REEP1: variants seen among roughly 807,000 people sequenced by gnomAD.
REEP1 encodes receptor expression-enhancing protein 1.
Under a neutral mutation model 40.3 loss-of-function variants are expected in REEP1, and 22 were observed. The ratio of observed to expected loss-of-function variants is 0.55; its 90% CI spans 0.39 to 0.78. The LOEUF (loss-of-function observed/expected upper bound fraction) is 0.78. Among genes scored for constraint, REEP1 ranks in the 30% least tolerant of loss-of-function variants. REEP1 has a pLI of 0.00. For missense variants in REEP1, 280 were observed against 361.1 expected (o/e 0.78, Z 1.82); for synonymous variants, 116 against 139.2 (o/e 0.83, Z 1.17).
intron 1 of REEP1, among the ~76,000 whole-genome samples, chr2:86,288,801 GATGGGT>G (rs56202026): frequency 0.87 from 132,117 of 151,600 alleles, 58,002 homozygotes; most frequent in East Asian, 0.95. Flanking sequence ...TTGCCACTGT[GATGGGT>G]ATGGGTGTAA....
At chr2:86,254,861 A>C in intron 3 of REEP1, 47 bp from the exon 4 acceptor site, 2 of 1,607,400 alleles carry the variant, frequency 1.2e-6, no homozygotes, top group Non-Finnish European at 1.7e-6. Context: ...TCTCAGCAAC[A>C]CTGCCCTTTT....
At chr2:86,221,063 T>C (rs748075025) in intron 7 of REEP1, among the ~76,000 whole-genome samples, 15 of 152,212 alleles carry the variant, frequency 9.9e-5, no homozygotes, top group Non-Finnish European at 2.2e-4. Flanking sequence ...TCAAGTCATC[T>C]GGTCCAATCA....
intron 3 of REEP1, among the ~76,000 whole-genome samples, chr2:86,259,377 T>G (rs1676736386): frequency 6.6e-6 from 1 of 151,854 alleles, no homozygotes; most frequent in South Asian, 2.1e-4. Context: ...ATGTATTATT[T>G]TATTTTTATT....
chr2:86,229,598 CTTT>C lies in REEP1; in HGVS notation c.596-2203_596-2201del, dbSNP rs70956106. Among the ~76,000 whole-genome samples, 6 of 114,458 alleles carry C rather than the reference CTTT, an allele frequency of 5.2e-5. No homozygotes were observed. The Admixed American group carries it at 6.8e-4, about 13-fold the overall frequency. The allele number at this position is 114,458 out of a possible 152,430, so 75.1% of individuals were successfully genotyped here. The stretch of plus-strand genomic sequence containing the variant: ...CCCAGGCCATCTTTCACCTGTCTTC[CTTT>C]TTTTTTTTTTTTTTTTTTTTTTTTA... On this transcript the variant is annotated intron_variant, in intron 6 of 8. Transcript: ENST00000538924.
chr2:86,276,656 C>G (rs577382970), intron 2 of REEP1, among the ~76,000 whole-genome samples: 2 of 152,272 alleles, frequency 1.3e-5, no homozygotes, highest in African/African-American at 4.8e-5. Flanking sequence ...AGTTTCTCCT[C>G]TGAACCAGTG....
intron 1 of REEP1, among the ~76,000 whole-genome samples, chr2:86,311,920 T>C (rs542024653): frequency 4.6e-5 from 7 of 152,326 alleles, no homozygotes; most frequent in African/African-American, 1.4e-4. Flanking sequence ...GAGGAGTCCC[T>C]GTGCTGGGAC....
chr2:86,219,820 G>C (rs1401296845), intron 8 of REEP1, 150 bp downstream of exon 8: 9 of 495,986 alleles, frequency 1.8e-5, no homozygotes, highest in Non-Finnish European at 2.8e-5. Context: ...CCAGTGACTG[G>C]TTCTGCTTGT....
chr2:86,218,227 C>T (rs962062248), intron 8 of REEP1, among the ~76,000 whole-genome samples: 4 of 152,184 alleles, frequency 2.6e-5, no homozygotes, highest in Admixed American at 2.6e-4. Flanking sequence ...CTCCTTTGTT[C>T]TCTCATGTTT....
intron 1 of REEP1, among the ~76,000 whole-genome samples, chr2:86,331,490 G>A (rs1680758312): frequency 6.6e-6 from 1 of 151,990 alleles, no homozygotes; most frequent in African/African-American, 2.4e-5. Flanking sequence ...AATGCCTAAG[G>A]CAGACTTTGA....
chr2:86,315,478 T>A (rs114279983), intron 1 of REEP1, among the ~76,000 whole-genome samples: 1 of 152,206 alleles, frequency 6.6e-6, no homozygotes, highest in Non-Finnish European at 1.5e-5. Context: ...GAGCCTTACA[T>A]GAGAAATGCT....
In REEP1 at chr2:86,216,021, T is replaced by G. The variant is rs917564717; in HGVS notation, c.*1018A>C. 4.6e-5 allele frequency: 7 copies of G among 152,364 alleles called. No individual in the cohort carries two copies. Among genetic ancestry groups the G allele is most frequent in the Non-Finnish European group, 1.0e-4 (7 of 68,026 alleles). The allele number at this position is 152,364 out of a possible 1,614,324, so 9.4% of individuals were successfully genotyped here. Reference sequence around the variant, plus strand: ...GCAGAGTTCTCAGTTTTTTGTGTGTTTGTTTTTGCTAAGCTAAACAAGTTT... The same window carrying G: ...GCAGAGTTCTCAGTTTTTTGTGTGTGTGTTTTTGCTAAGCTAAACAAGTTT... On this transcript the variant is annotated 3_prime_UTR_variant, in exon 9 of 9. Coordinates refer to ENST00000538924, the MANE Select transcript of REEP1 (RefSeq NM_001371279.1).
chr2:86,331,656 C>G (rs889202123), intron 1 of REEP1, among the ~76,000 whole-genome samples: 2 of 152,152 alleles, frequency 1.3e-5, no homozygotes. Flanking sequence ...TGTCCTAGAA[C>G]TGCCAGGTGA....
At chr2:86,260,715 A>G (rs1216374168) in intron 3 of REEP1, among the ~76,000 whole-genome samples, 1 of 152,160 alleles carries the variant, frequency 6.6e-6, no homozygotes, top group African/African-American at 2.4e-5. Flanking sequence ...ATCATAAGGA[A>G]CTGAATTCTG....
chr2:86,302,816 G>A lies in REEP1; in HGVS notation c.33-20574C>T, dbSNP rs542724636. On this transcript the variant is annotated intron_variant, in intron 1 of 8. Coordinates refer to ENST00000538924, the MANE Select transcript of REEP1 (RefSeq NM_001371279.1). ...ATGTATCTCCAGGTAATGGAATTATGAGTAATTTTTATTTTCTTCTTTATC... is the reference window on the plus strand; with the variant it reads ...ATGTATCTCCAGGTAATGGAATTATAAGTAATTTTTATTTTCTTCTTTATC... Among the ~76,000 whole-genome samples, 11 of 152,224 alleles carry A rather than the reference G, an allele frequency of 7.2e-5. No individual in the cohort carries two copies. In the East Asian group the frequency reaches 1.9e-3, roughly 27 times the overall value.
chr2:86,311,673 A>T (rs1679771268), intron 1 of REEP1, among the ~76,000 whole-genome samples: 1 of 152,202 alleles, frequency 6.6e-6, no homozygotes, highest in South Asian at 2.1e-4. Flanking sequence ...ACCCTAATCC[A>T]GTATGAACTC....
chr2:86,259,781 T>C (rs966644218), intron 3 of REEP1, among the ~76,000 whole-genome samples: 5 of 152,064 alleles, frequency 3.3e-5, no homozygotes, highest in Non-Finnish European at 7.4e-5. Context: ...GGACCATAAA[T>C]AATTGTTGTT....
chr2:86,264,854 C>T (rs931927215), intron 2 of REEP1, among the ~76,000 whole-genome samples: 2 of 152,166 alleles, frequency 1.3e-5, no homozygotes, highest in Non-Finnish European at 2.9e-5. Flanking sequence ...CTTTGGAGCA[C>T]GGGAACCACA....
At chr2:86,239,812 T>C (rs1285357101) in intron 5 of REEP1, 2 of 152,192 alleles carry the variant, frequency 1.3e-5, no homozygotes, top group African/African-American at 2.4e-5. Flanking sequence ...GCTACCAAAT[T>C]CACACCATAA....
intron 1 of REEP1, among the ~76,000 whole-genome samples, chr2:86,331,527 A>G (rs1680760943): frequency 6.6e-6 from 1 of 151,370 alleles, no homozygotes; most frequent in Admixed American, 6.6e-5. Context: ...GGAAAAAAAA[A>G]AGGTGGGGGG....
Sources: gnomAD v4.1 joint callset for allele counts (sites outside exome capture counted in the v4.1 genomes callset) on GRCh38, gnomAD v4.1.1 for gene constraint, MANE v1.5 for transcripts, NCBI Gene and HGNC (gene_info 2026-07-23, HGNC 2026-07-21) for gene names.